TP53I11: variants seen among roughly 807,000 people sequenced by gnomAD.
The protein encoded by TP53I11 is tumor protein p53-inducible protein 11.
TP53I11 carries 9 observed loss-of-function variants against 23.3 expected under a neutral mutation model. That is an observed-to-expected ratio of 0.39 (90% CI 0.23 to 0.67). TP53I11 has a LOEUF of 0.67. TP53I11 is among the 30% of genes least tolerant of loss of function. The probability of loss-of-function intolerance (pLI) is 0.48; values close to 1 mark genes in which losing one functional copy is unlikely to be tolerated. For synonymous variants in TP53I11, 100 were observed against 106.1 expected, an observed-to-expected ratio of 0.94 and a Z score of 0.35; for missense variants, 170 against 255.2, an observed-to-expected ratio of 0.67 and a Z score of 2.27.
intron 1 of TP53I11, among the ~76,000 whole-genome samples, chr11:44,943,400 G>GCCACTCCTCCAC (rs1862087986): frequency 6.6e-6 from 1 of 152,182 alleles, no homozygotes; most frequent in Non-Finnish European, 1.5e-5. Context: ...AGCAAGGACA[G>GCCACTCCTCCAC]CCACTCCTCC....
At chr11:44,942,767 GC>G (rs1164716617) in intron 1 of TP53I11, among the ~76,000 whole-genome samples, 2 of 151,726 alleles carry the variant, frequency 1.3e-5, no homozygotes, top group African/African-American at 4.8e-5. Context: ...AGGGAGGAGG[GC>G]CCCACACCCA....
intron 1 of TP53I11, among the ~76,000 whole-genome samples, 168 bp downstream of exon 1, chr11:44,950,509 G>A (rs1243425398): frequency 6.6e-6 from 1 of 152,058 alleles, no homozygotes; most frequent in African/African-American, 2.4e-5. Context: ...AGCGGGCTCA[G>A]CGGGTGCCGA....
chr11:44,951,049 G>A (rs1006982476), upstream of TP53I11: 3 of 152,172 alleles, frequency 2.0e-5, no homozygotes, highest in South Asian at 6.2e-4. Context: ...CTCTCCCGGG[G>A]GCCGCCTGCA....
chr11:44,935,194 C>A (rs1860948438), intron 6 of TP53I11, among the ~76,000 whole-genome samples, 177 bp from the exon 7 acceptor site: 1 of 152,206 alleles, frequency 6.6e-6, no homozygotes, highest in Non-Finnish European at 1.5e-5. Flanking sequence ...ACAGATGTTT[C>A]TGCTCTGATG....
chr11:44,943,702 G>T (rs1009356611), intron 1 of TP53I11, among the ~76,000 whole-genome samples: 1 of 152,140 alleles, frequency 6.6e-6, no homozygotes, highest in Non-Finnish European at 1.5e-5. Flanking sequence ...ACTCTCACGG[G>T]TCTCAGTGTC....
intron 1 of TP53I11, among the ~76,000 whole-genome samples, chr11:44,940,048 G>C (rs1861605489): frequency 6.6e-6 from 1 of 152,216 alleles, no homozygotes; most frequent in Non-Finnish European, 1.5e-5. Context: ...GCTCCTGGAG[G>C]GCCCAGGACG....
rs1186386976 is a variant in TP53I11 at position 44,934,837 on chromosome 11, C to T, written c.*47G>A. ...AGCCAAAGGGAAGCCGAGGCCCCAG[C>T]GCCACTCTGGCCCAGGCATGGGCAG... On this transcript the variant is annotated 3_prime_UTR_variant, in exon 7 of 7. Transcript: ENST00000525680. 13 of 1,610,658 alleles carry T rather than the reference C, an allele frequency of 8.1e-6. No homozygotes were observed. Among genetic ancestry groups the T allele is most frequent in the Non-Finnish European group, 1.1e-5 (13 of 1,178,260 alleles).
rs73456462 is a variant in TP53I11 at position 44,942,977 on chromosome 11, T to C, written c.-31-4611A>G. 6.8e-3 allele frequency among the ~76,000 whole-genome samples: 1,031 copies of C among 152,222 alleles called. 14 individuals are homozygous for C. The highest frequency in any genetic ancestry group is 0.024 in the African/African-American group (978 of 41,538). On this transcript the variant is annotated intron_variant, in intron 1 of 6. Transcript: ENST00000525680. ...TCCAGGTGTTTATTTCAGGCCTAAG[T>C]GAGGACAGAAGACTCCACCGTGCAC...
At chr11:44,949,178 C>A (rs1351243568) in intron 1 of TP53I11, among the ~76,000 whole-genome samples, 5 of 152,182 alleles carry the variant, frequency 3.3e-5, no homozygotes, top group African/African-American at 7.2e-5. Context: ...CAAGAAAAAT[C>A]TTTTCTCTCC....
At position 44,934,751 on chromosome 11, in the gene TP53I11, C is replaced by T. The variant is rs1287353419; in HGVS notation, c.*133G>A. 1.4e-5 allele frequency: 18 copies of T among 1,304,284 alleles called. No homozygotes were observed. In the East Asian group the frequency reaches 4.3e-4, roughly 31 times the overall value. 80.8% of individuals were successfully genotyped at this position (1,304,284 alleles called of 1,614,324 possible). On this transcript the variant is annotated 3_prime_UTR_variant, in exon 7 of 7. Transcript: ENST00000525680. ...GTGCCCAGGAGGAAAGGAAGGCCCCCCACCCCCTGCCTCCCTGGGGCAGGA... is the reference window on the plus strand; with the variant it reads ...GTGCCCAGGAGGAAAGGAAGGCCCCTCACCCCCTGCCTCCCTGGGGCAGGA...
rs1443571781 is a variant in TP53I11 at position 44,934,273 on chromosome 11, T to G, written c.*611A>C. The G allele has an allele frequency of 6.5e-6, 1 of 152,846 alleles. No individual in the cohort carries two copies. Among genetic ancestry groups the G allele is most frequent in the Non-Finnish European group, 1.5e-5 (1 of 68,514 alleles). The allele number at this position is 152,846 out of a possible 1,614,324, so 9.5% of individuals were successfully genotyped here. A position where few individuals can be genotyped will look rare whatever the true frequency, so the allele number is the denominator to read the frequency against. ...CTATGAAGGCGCACGTGTGTGTGTT[T>G]GCTCACATCATGGGTGTATGTGTGT... On this transcript the variant is annotated 3_prime_UTR_variant, in exon 7 of 7. Transcript: ENST00000525680.
At position 44,936,112 on chromosome 11, in the gene TP53I11, A is replaced by G. The variant is rs1211609032; in HGVS notation, c.335-450T>C. On this transcript the variant is annotated intron_variant, in intron 5 of 6. Coordinates refer to ENST00000525680, the MANE Select transcript of TP53I11 (RefSeq NM_006034.5). This position sits in a 1 kb window ranked among gnomAD's most constrained non-coding sequence, Gnocchi z 4.4. ...GCCCGGTAAGGACTCGCTTTAAGGAAGTCCCCTGGGGGAGGGGGATGAACC... is the reference window on the plus strand; with the variant it reads ...GCCCGGTAAGGACTCGCTTTAAGGAGGTCCCCTGGGGGAGGGGGATGAACC... 1 of 648,030 alleles carries G rather than the reference A, an allele frequency of 1.5e-6. No individual in the cohort carries two copies. The highest frequency in any genetic ancestry group is 2.0e-5 in the African/African-American group (1 of 50,822). 40.1% of individuals were successfully genotyped at this position (648,030 alleles called of 1,614,324 possible).
At chr11:44,944,428 G>T (rs1015425510) in intron 1 of TP53I11, among the ~76,000 whole-genome samples, 3 of 152,154 alleles carry the variant, frequency 2.0e-5, no homozygotes, top group Non-Finnish European at 4.4e-5. Flanking sequence ...ACTCCCTGCA[G>T]TCCCTCCCAC....
chr11:44,943,053 C>T (rs12576787), intron 1 of TP53I11: 27,084 of 152,248 alleles, frequency 0.18, 3,136 homozygotes, highest in African/African-American at 0.32. Context: ...TGAGTCTTGG[C>T]TCTGCCCTCT....
intron 1 of TP53I11, among the ~76,000 whole-genome samples, chr11:44,946,228 G>A (rs1010037897): frequency 6.6e-6 from 1 of 152,134 alleles, no homozygotes; most frequent in Non-Finnish European, 1.5e-5. Flanking sequence ...AGCGGCCTCT[G>A]GGGTGCAGGT....
In TP53I11 at chr11:44,936,596, T is replaced by C; in HGVS notation, c.334+207A>G. ...CTTGCAGATGGTGGCGACTGCAAGC[T>C]CCAACCCACTGGGTGTATTCCACCA... On this transcript the variant is annotated intron_variant, in intron 5 of 6. Coordinates refer to ENST00000525680, the MANE Select transcript of TP53I11 (RefSeq NM_006034.5). The surrounding 1 kb of genome is among the most constrained non-coding windows in gnomAD (Gnocchi z 4.4). The C allele has an allele frequency of 1.5e-6, 2 of 1,322,568 alleles. No individual in the cohort carries two copies. Among genetic ancestry groups the C allele is most frequent in the Non-Finnish European group, 1.9e-6 (2 of 1,037,040 alleles). The allele number at this position is 1,322,568 out of a possible 1,614,324, so 81.9% of individuals were successfully genotyped here. A position where few individuals can be genotyped will look rare whatever the true frequency, so the allele number is the denominator to read the frequency against.
intron 1 of TP53I11, among the ~76,000 whole-genome samples, chr11:44,948,376 G>A (rs1249547786): frequency 6.6e-6 from 1 of 152,048 alleles, no homozygotes; most frequent in African/African-American, 2.4e-5. Flanking sequence ...GCCTTTGCAT[G>A]GGCTGTGCTC....
In TP53I11 at chr11:44,935,674, G is replaced by GGT; in HGVS notation, c.335-13_335-12insAC. On this transcript the variant is annotated splice_polypyrimidine_tract_variant and intron_variant, in intron 5 of 6. Coordinates refer to ENST00000525680, the MANE Select transcript of TP53I11 (RefSeq NM_006034.5). ...GATCAGGGAGATGCCTGGGGCGGGGGATGAAAAGGGGGCTGGGGGTGGGAC... is the reference window on the plus strand; with the variant it reads ...GATCAGGGAGATGCCTGGGGCGGGGGGTATGAAAAGGGGGCTGGGGGTGGGAC... The GGT allele has an allele frequency of 1.6e-6, 1 of 626,942 alleles. No individual in the cohort carries two copies. Among genetic ancestry groups the GGT allele is most frequent in the Non-Finnish European group, 2.9e-6 (1 of 344,074 alleles). The allele number at this position is 626,942 out of a possible 1,614,324, so 38.8% of individuals were successfully genotyped here.
intron 1 of TP53I11, among the ~76,000 whole-genome samples, chr11:44,946,358 G>A (rs947509850): frequency 6.6e-6 from 1 of 152,182 alleles, no homozygotes; most frequent in Non-Finnish European, 1.5e-5. Flanking sequence ...TATTCCAAAG[G>A]CTGGGGCTGC....
Sources: gnomAD v4.1 joint callset for allele counts (sites outside exome capture counted in the v4.1 genomes callset) on GRCh38, gnomAD v4.1.1 for gene constraint, Gnocchi (gnomAD v3.1) non-coding constraint, MANE v1.5 for transcripts, NCBI Gene and HGNC (gene_info 2026-07-23, HGNC 2026-07-21) for gene names.